The following DOK5 variants were observed in gnomAD, a reference collection of about 807,000 sequenced individuals.
DOK5 encodes docking protein 5, also known as downstream of tyrosine kinase 5.
DOK5 carries 27 observed loss-of-function variants against 43.3 expected under a neutral mutation model. The ratio of observed to expected loss-of-function variants is 0.62; its 90% confidence interval spans 0.46 to 0.86. The LOEUF (loss-of-function observed/expected upper bound fraction) is 0.86, where lower values mean the gene tolerates loss of function less well. Among genes scored for constraint, DOK5 ranks in the 40% least tolerant of loss-of-function variants. DOK5 has a pLI of 0.00. For missense variants in DOK5, 373 were observed against 392.9 expected, an observed-to-expected ratio of 0.95 and a Z score of 0.43; for synonymous variants, 146 against 140.1, an observed-to-expected ratio of 1.04 and a Z score of -0.30.
chr20:54,585,149 T>A (rs1038088707), intron 2 of DOK5, among the ~76,000 whole-genome samples: 1 of 148,378 alleles, frequency 6.7e-6, no homozygotes, highest in Non-Finnish European at 1.5e-5. Context: ...CTTGTGTGTG[T>A]TGTGTATGTG....
At chr20:54,532,218 G>A (rs1006390682) in intron 1 of DOK5, among the ~76,000 whole-genome samples, 11 of 152,138 alleles carry the variant, frequency 7.2e-5, no homozygotes, top group Non-Finnish European at 1.6e-4. Flanking sequence ...TGGTAGATAG[G>A]ATTACAATTA....
chr20:54,626,304 C>T (rs1987128989), intron 6 of DOK5, among the ~76,000 whole-genome samples: 1 of 151,474 alleles, frequency 6.6e-6, no homozygotes, highest in Admixed American at 6.6e-5. Flanking sequence ...AGCAGAAAAC[C>T]CAGTTAGGAG....
At chr20:54,573,625 T>A (rs747983496) in intron 2 of DOK5, among the ~76,000 whole-genome samples, 1 of 143,650 alleles carries the variant, frequency 7.0e-6, no homozygotes, top group Non-Finnish European at 1.5e-5. Context: ...AGGCAGAGGT[T>A]GCGGTGAGCC....
intron 2 of DOK5, among the ~76,000 whole-genome samples, chr20:54,560,321 C>G (rs1265087879): frequency 1.3e-5 from 2 of 152,168 alleles, no homozygotes; most frequent in Admixed American, 1.3e-4. Flanking sequence ...AACTACCCAC[C>G]ATGCCATATT....
intron 1 of DOK5, among the ~76,000 whole-genome samples, chr20:54,480,634 A>T (rs1364911037): frequency 2.0e-5 from 3 of 152,174 alleles, no homozygotes; most frequent in African/African-American, 7.2e-5. Flanking sequence ...ACTTGCCCTG[A>T]ATTCTTTGCT....
In DOK5 at chr20:54,532,834, C is replaced by T. The variant is rs185697884; in HGVS notation, c.67-22099C>T. On this transcript the variant is annotated intron_variant, in intron 1 of 7. Transcript: ENST00000262593. ...TCAGGCCTTGTCCTGACCTCCTGGC[C>T]CAGAGCTAATTGTGCTACCTAAGTT... 1.3e-3 allele frequency among the ~76,000 whole-genome samples: 192 copies of T among 152,286 alleles called. 1 individual carries two copies. Among genetic ancestry groups the T allele is most frequent in the Non-Finnish European group, 2.1e-3 (145 of 68,030 alleles).
At chr20:54,536,336 C>T (rs527680734) in intron 1 of DOK5, among the ~76,000 whole-genome samples, 24 of 152,180 alleles carry the variant, frequency 1.6e-4, no homozygotes, top group Non-Finnish European at 3.1e-4. Context: ...TCCATCAACT[C>T]TGACTCTGGG....
rs1007082034 is a variant in DOK5, at chr20:54,544,630, G to A, written c.67-10303G>A. On this transcript the variant is annotated intron_variant, in intron 1 of 7. Coordinates refer to ENST00000262593, the MANE Select transcript of DOK5 (RefSeq NM_018431.5). Reference sequence around the variant, plus strand: ...CTGAACAGGAGACCGGAGCCTCTGTGGACATTTGGAAGCTAGGGTTTTTCA... The same window carrying A: ...CTGAACAGGAGACCGGAGCCTCTGTAGACATTTGGAAGCTAGGGTTTTTCA... Among the ~76,000 whole-genome samples, 14 of 152,166 alleles carry A rather than the reference G, an allele frequency of 9.2e-5. 1 individual carries two copies. The East Asian group carries it at 1.3e-3, about 15-fold the overall frequency.
chr20:54,497,968 T>C (rs573834721), intron 1 of DOK5, among the ~76,000 whole-genome samples: 1 of 152,344 alleles, frequency 6.6e-6, no homozygotes, highest in Non-Finnish European at 1.5e-5. Context: ...TGAATCTATT[T>C]AAGTTAAAAT....
At chr20:54,554,352 T>A (rs766875186) in intron 1 of DOK5, among the ~76,000 whole-genome samples, 3 of 152,248 alleles carry the variant, frequency 2.0e-5, no homozygotes, top group South Asian at 2.1e-4. Context: ...CCTACCAGCA[T>A]TGACCTTTCA....
At chr20:54,621,653 C>T (rs569000958) in intron 6 of DOK5, among the ~76,000 whole-genome samples, 15 of 150,788 alleles carry the variant, frequency 9.9e-5, no homozygotes, top group East Asian at 2.0e-4. Context: ...TGCACCACTG[C>T]GCTCTAGCCT....
intron 6 of DOK5, among the ~76,000 whole-genome samples, chr20:54,616,994 G>A (rs1022723628): frequency 5.9e-5 from 9 of 152,088 alleles, no homozygotes; most frequent in Admixed American, 2.0e-4. Context: ...GTTTCACCTT[G>A]TTAGCCAGGA....
At chr20:54,499,764 T>C (rs747655689) in intron 1 of DOK5, among the ~76,000 whole-genome samples, 14 of 152,202 alleles carry the variant, frequency 9.2e-5, no homozygotes, top group South Asian at 4.1e-4. Context: ...TACAGCATAA[T>C]GGTTAAATCT....
At chr20:54,615,688 G>A (rs1032389447) in intron 6 of DOK5, among the ~76,000 whole-genome samples, 1 of 152,158 alleles carries the variant, frequency 6.6e-6, no homozygotes, top group Non-Finnish European at 1.5e-5. Flanking sequence ...GAGGTGGGTG[G>A]ATCACGAGGT....
intron 1 of DOK5, among the ~76,000 whole-genome samples, chr20:54,506,487 G>T (rs1018553188): frequency 1.3e-5 from 2 of 152,078 alleles, no homozygotes; most frequent in African/African-American, 4.8e-5. Context: ...TTGAGACAGG[G>T]TCTTTCTCTG....
chr20:54,575,380 G>A (rs1985421186), intron 2 of DOK5, among the ~76,000 whole-genome samples: 1 of 152,118 alleles, frequency 6.6e-6, no homozygotes, highest in Non-Finnish European at 1.5e-5. Flanking sequence ...AAGTATATGA[G>A]GAACTATTGC....
At chr20:54,643,652 C>G in intron 7 of DOK5, 74 bp downstream of exon 7, 1 of 1,524,238 alleles carries the variant, frequency 6.6e-7, no homozygotes, top group Non-Finnish European at 8.8e-7. Flanking sequence ...CAGCTCAACT[C>G]GCAGCTGCTG....
At chr20:54,572,550 T>G (rs1985317798) in intron 2 of DOK5, among the ~76,000 whole-genome samples, 1 of 152,178 alleles carries the variant, frequency 6.6e-6, no homozygotes. Flanking sequence ...ATATGAGGTG[T>G]TCAGAACGTA....
chr20:54,501,470 A>G (rs1982602876), intron 1 of DOK5, among the ~76,000 whole-genome samples: 1 of 146,818 alleles, frequency 6.8e-6, no homozygotes, highest in Non-Finnish European at 1.5e-5. Context: ...CACTCTCAAA[A>G]AAAAAAAAAA....
Sources: gnomAD v4.1 joint callset for allele counts (sites outside exome capture counted in the v4.1 genomes callset) on GRCh38, gnomAD v4.1.1 for gene constraint, MANE v1.5 for transcripts, NCBI Gene and HGNC (gene_info 2026-07-23, HGNC 2026-07-21) for gene names.